TMCO6: variants seen among roughly 807,000 people sequenced by gnomAD.
TMCO6 encodes the protein transmembrane and coiled-coil domains 6.
TMCO6 carries 47 observed loss-of-function variants against 61.8 expected under a neutral mutation model. The observed-to-expected ratio is 0.76, with a 90% confidence interval of 0.60 to 0.97. TMCO6 has a LOEUF of 0.97. Ranked by LOEUF, TMCO6 falls within the 50% of genes least tolerant of loss-of-function variation. The pLI is 0.00. For missense variants in TMCO6, 557 were observed against 601.6 expected (o/e 0.93, Z 0.78); for synonymous variants, 261 against 254.2 (o/e 1.03, Z -0.25).
chr5:140,638,206 T>C (rs1756822073), upstream of TMCO6, among the ~76,000 whole-genome samples: 1 of 152,170 alleles, frequency 6.6e-6, no homozygotes, highest in African/African-American at 2.4e-5. Context: ...CCTTTCCCCA[T>C]TGGCCGGGGT....
the TMCO6 span, chr5:140,632,694 C>G: frequency 6.2e-7 from 1 of 1,613,800 alleles, no homozygotes. This position sits in a 1 kb window ranked among gnomAD's most constrained non-coding sequence, Gnocchi z 6.2. Flanking sequence ...CTGTGCGGCT[C>G]CCACTGTGAG....
At chr5:140,638,037 C>G (rs150799691), upstream of TMCO6, among the ~76,000 whole-genome samples, 36 of 150,142 alleles carry the variant, frequency 2.4e-4, no homozygotes, top group East Asian at 6.4e-3. Flanking sequence ...GAATAACGCT[C>G]AAAATCCTAA....
At chr5:140,606,348 C>G in the TMCO6 span, among the ~76,000 whole-genome samples, 1 of 151,904 alleles carries the variant, frequency 6.6e-6, no homozygotes, top group African/African-American at 2.4e-5. Flanking sequence ...TGGGGTCTGT[C>G]TATGTTGCCC....
chr5:140,643,182 CCA>C (rs984051127), intron 7 of TMCO6, 141 bp downstream of exon 7: 2 of 1,226,724 alleles, frequency 1.6e-6, no homozygotes, highest in African/African-American at 1.5e-5. Flanking sequence ...CCCAGGAGAC[CCA>C]CAGACCTTAG....
chr5:140,619,814 G>A, the TMCO6 span, among the ~76,000 whole-genome samples: 3 of 152,092 alleles, frequency 2.0e-5, no homozygotes, highest in Non-Finnish European at 4.4e-5. Flanking sequence ...ACAGTTATCA[G>A]GAAAATGCAA....
At chr5:140,638,333 AAGTT>A (rs1454460057), upstream of TMCO6, among the ~76,000 whole-genome samples, 3 of 152,164 alleles carry the variant, frequency 2.0e-5, no homozygotes, top group African/African-American at 4.8e-5. Flanking sequence ...ATGAACTAGA[AAGTT>A]AGTCCTCTTT....
chr5:140,627,371 G>A, the TMCO6 span, among the ~76,000 whole-genome samples: 8 of 152,152 alleles, frequency 5.3e-5, no homozygotes, highest in South Asian at 1.7e-3. Context: ...GAATCTAATG[G>A]TTCCAAAGCA....
the TMCO6 span, chr5:140,633,033 A>G: frequency 2.0e-5 from 33 of 1,613,006 alleles, no homozygotes; most frequent in Admixed American, 5.3e-4. Context: ...GTGGCTCCCG[A>G]GTGGCACGCG....
chr5:140,605,015 T>C, the TMCO6 span, among the ~76,000 whole-genome samples: 1,138 of 152,330 alleles, frequency 7.5e-3, 11 homozygotes, highest in Non-Finnish European at 0.013. Flanking sequence ...TTTAATTTAT[T>C]TCAGCAATGT....
Position 140,642,996 on chromosome 5 carries a change from G to A in TMCO6, c.761G>A (p.Gly254Glu). The change falls in exon 7 of 12, where the codon GGG (glycine) becomes GAG (glutamate). Residue 254 changes from glycine to glutamate, a missense_variant. By Grantham distance (98) the Gly-to-Glu change is moderately conservative. Coordinates refer to ENST00000394671, the MANE Select transcript of TMCO6 (RefSeq NM_018502.5). ...MLQPGPKLNP[G>E]VAVEFAWCLH... Reference sequence around the variant, plus strand: ...CAACCTGGCCCAAAGCTCAACCCTGGGGTCGCTGTGGAGTTTGCCTGGTGC... The same window carrying A: ...CAACCTGGCCCAAAGCTCAACCCTGAGGTCGCTGTGGAGTTTGCCTGGTGC... 6.2e-7 allele frequency: 1 copy of A among 1,614,186 alleles called. No individual in the cohort carries two copies. The highest frequency in any genetic ancestry group is 1.7e-5 in the Admixed American group (1 of 60,024).
At chr5:140,632,331 G>C in the TMCO6 span, 1 of 1,614,078 alleles carries the variant, frequency 6.2e-7, no homozygotes. The surrounding 1 kb of genome is among the most constrained non-coding windows in gnomAD (Gnocchi z 6.2). Context: ...GAACTTGTGG[G>C]GACAGAGAGC....
the TMCO6 span, among the ~76,000 whole-genome samples, chr5:140,617,017 T>A: frequency 1.3e-5 from 2 of 151,396 alleles, no homozygotes; most frequent in African/African-American, 4.9e-5. Flanking sequence ...CACTCCAGTC[T>A]AGGCTACGAA....
At chr5:140,616,786 C>A in the TMCO6 span, among the ~76,000 whole-genome samples, 1 of 152,022 alleles carries the variant, frequency 6.6e-6, no homozygotes. Context: ...TGACTGATGC[C>A]TGTAATCACA....
At chr5:140,641,504 GTCCAC>G (rs1383519969) in intron 2 of TMCO6, 156 bp from the exon 3 acceptor site, 2 of 637,616 alleles carry the variant, frequency 3.1e-6, no homozygotes, top group Non-Finnish European at 2.8e-6. Context: ...CTGATTCTCT[GTCCAC>G]TCCACTGCAA....
rs1032741674 is a variant in TMCO6, at chr5:140,644,625, G to T, written c.1253G>T (p.Arg418Leu). The change falls in exon 11 of 12, where the codon CGG becomes CTG. Residue 418 changes from arginine (R) to leucine (L), a missense_variant. Arg to Leu is a moderately radical substitution (Grantham distance 102). Coordinates refer to ENST00000394671, the MANE Select transcript of TMCO6 (RefSeq NM_018502.5). The stretch of plus-strand genomic sequence containing the variant: ...GAAAAGGGTCCTGCTTACTGCCAGC[G>T]GCTGTGGCCAGGGCCCCTGCTTCCC... ...VAEKGPAYCQRLWPGPLLPAL... is the reference protein window; with the variant it reads ...VAEKGPAYCQLLWPGPLLPAL... 1 of 1,614,216 alleles carries T rather than the reference G, an allele frequency of 6.2e-7. No individual in the cohort carries two copies. Among genetic ancestry groups the T allele is most frequent in the East Asian group, 2.2e-5 (1 of 44,888 alleles).
chr5:140,627,423 A>C, the TMCO6 span, among the ~76,000 whole-genome samples: 102 of 152,358 alleles, frequency 6.7e-4, no homozygotes, highest in African/African-American at 2.4e-3. Context: ...CAGTTTATGT[A>C]GTTTAGTAAA....
chr5:140,622,360 C>T, the TMCO6 span, among the ~76,000 whole-genome samples: 1 of 152,108 alleles, frequency 6.6e-6, no homozygotes, highest in African/African-American at 2.4e-5. Flanking sequence ...GGGCTCAGTC[C>T]TCAGACATTA....
At chr5:140,610,787 C>T in the TMCO6 span, among the ~76,000 whole-genome samples, 1 of 152,130 alleles carries the variant, frequency 6.6e-6, no homozygotes, top group East Asian at 1.9e-4. Flanking sequence ...GAAAATACAT[C>T]CTTGTTTTGT....
chr5:140,611,800 G>T, the TMCO6 span, among the ~76,000 whole-genome samples: 1 of 152,116 alleles, frequency 6.6e-6, no homozygotes, highest in East Asian at 1.9e-4. Context: ...CACAAGATCA[G>T]ACCTATCATA....
Sources: gnomAD v4.1 joint callset for allele counts (sites outside exome capture counted in the v4.1 genomes callset) on GRCh38, gnomAD v4.1.1 for gene constraint, Gnocchi (gnomAD v3.1) non-coding constraint, MANE v1.5 for transcripts, NCBI Gene and HGNC (gene_info 2026-07-23, HGNC 2026-07-21) for gene names.